USP53: variants seen among roughly 807,000 people sequenced by gnomAD.
USP53 encodes the protein ubiquitin specific peptidase 53.
USP53 carries 71 observed loss-of-function variants against 94.9 expected under a neutral mutation model. The ratio of observed to expected loss-of-function variants is 0.75; its 90% CI spans 0.62 to 0.91. USP53 has a LOEUF of 0.91. Ranked by LOEUF, USP53 falls within the 40% of genes least tolerant of loss-of-function variation. The pLI is 0.00. For missense variants in USP53, 1,173 were observed against 1,281.0 expected (o/e 0.92, Z 1.29); for synonymous variants, 375 against 422.7 (o/e 0.89, Z 1.39).
At chr4:119,290,715 T>C (rs967037498) in intron 17 of USP53, among the ~76,000 whole-genome samples, 1 of 152,174 alleles carries the variant, frequency 6.6e-6, no homozygotes, top group Admixed American at 6.5e-5. Flanking sequence ...ATTATCATTA[T>C]CCCATTATAT....
chr4:119,275,610 A>G (rs1752522534), intron 17 of USP53, among the ~76,000 whole-genome samples: 1 of 151,566 alleles, frequency 6.6e-6, no homozygotes, highest in Admixed American at 6.6e-5. Context: ...TGAACTTTCA[A>G]GTAGTTTTTT....
chr4:119,271,753 G>T lies in USP53; in HGVS notation c.1893G>T (p.Glu631Asp), dbSNP rs1751896067. Residue 631 changes from glutamate (E) to aspartate (D), a missense_variant, in exon 16 of 19, where the codon GAG (glutamate) becomes GAT (aspartate). Glu to Asp is a conservative substitution (Grantham distance 45, BLOSUM62 2). Coordinates refer to ENST00000692078, the MANE Select transcript of USP53 (RefSeq NM_001371395.1). The part of the protein sequence containing the change: ...KDPSFSNWPK[E>D]NPKQKGLMTI... The stretch of plus-strand genomic sequence containing the variant: ...CGAGTTTTAGTAATTGGCCAAAAGA[G>T]AATCCAAAGCAAAAAGGTTTAATGA... 2 of 1,613,776 alleles carry T rather than the reference G, an allele frequency of 1.2e-6. No individual in the cohort carries two copies. Among genetic ancestry groups the T allele is most frequent in the South Asian group, 2.2e-5 (2 of 90,956 alleles).
chr4:119,280,716 T>A (rs1366382285), intron 17 of USP53, among the ~76,000 whole-genome samples: 4 of 152,158 alleles, frequency 2.6e-5, no homozygotes, highest in Non-Finnish European at 5.9e-5. Flanking sequence ...AATCTCAAGG[T>A]GTTAACTCAA....
At position 119,268,144 on chromosome 4, in the gene USP53, G is replaced by C. The variant is rs374774104; in HGVS notation, c.1136-124G>C. 15 of 1,007,036 alleles carry C rather than the reference G, an allele frequency of 1.5e-5. No homozygotes were observed. In the South Asian group the frequency reaches 2.0e-4, roughly 14 times the overall value. The allele number at this position is 1,007,036 out of a possible 1,614,324, so 62.4% of individuals were successfully genotyped here. A position where few individuals can be genotyped will look rare whatever the true frequency, so the allele number is the denominator to read the frequency against. ...ATTGCGCCACTGCAGTCCGCAGTCC[G>C]GCCTGGGCGACAGAGCGAGACTCCG... On this transcript the variant is annotated intron_variant, in intron 13 of 18. Coordinates refer to ENST00000692078, the MANE Select transcript of USP53 (RefSeq NM_001371395.1).
intron 16 of USP53, chr4:119,272,627 C>T (rs1752014777): frequency 6.6e-6 from 1 of 152,424 alleles, no homozygotes. Context: ...CTCTTGAACT[C>T]CCAACCTCAG....
intron 14 of USP53, 85 bp from the exon 15 acceptor site, chr4:119,269,606 A>G (rs1342871818): frequency 9.5e-6 from 9 of 943,752 alleles, no homozygotes; most frequent in Non-Finnish European, 4.3e-6. Context: ...AATATATCTT[A>G]ACATTTTTAT....
intron 17 of USP53, among the ~76,000 whole-genome samples, chr4:119,278,022 AC>A (rs1367772878): frequency 4.8e-5 from 7 of 145,660 alleles, no homozygotes; most frequent in African/African-American, 1.8e-4. Context: ...TTTCCTGAAT[AC>A]AGCACACTGA....
At chr4:119,226,129 A>G (rs1011033995) in intron 3 of USP53, among the ~76,000 whole-genome samples, 1 of 152,236 alleles carries the variant, frequency 6.6e-6, no homozygotes, top group Admixed American at 6.5e-5. Context: ...CAACTGTTTA[A>G]TATAAAAGTT....
intron 9 of USP53, among the ~76,000 whole-genome samples, chr4:119,258,710 T>C (rs1750084848): frequency 6.6e-6 from 1 of 152,180 alleles, no homozygotes; most frequent in South Asian, 2.1e-4. Context: ...TTTATCCTTA[T>C]GAAACCATCA....
chr4:119,244,440 T>A (rs2149338315), intron 5 of USP53, among the ~76,000 whole-genome samples: 1 of 152,326 alleles, frequency 6.6e-6, no homozygotes, highest in African/African-American at 2.4e-5. Flanking sequence ...AGTTACGTTA[T>A]CTGAGGACAC....
At chr4:119,241,173 C>T (rs1197707553) in intron 5 of USP53, among the ~76,000 whole-genome samples, 2 of 152,146 alleles carry the variant, frequency 1.3e-5, no homozygotes, top group East Asian at 1.9e-4. Context: ...CATATTAGAA[C>T]GGGTGAAAAT....
intron 15 of USP53, chr4:119,271,080 G>A: frequency 2.5e-6 from 1 of 397,772 alleles, no homozygotes; most frequent in Non-Finnish European, 3.4e-6. Flanking sequence ...CTACCTTAGA[G>A]ATCATTTTTT....
At chr4:119,238,761 G>A (rs17049968) in intron 4 of USP53, among the ~76,000 whole-genome samples, 33,081 of 152,124 alleles carry the variant, frequency 0.22, 4,121 homozygotes, top group South Asian at 0.32. Context: ...AGGAGTGTGC[G>A]TTTGTTGATA....
chr4:119,243,464 C>T (rs984517265), intron 5 of USP53, among the ~76,000 whole-genome samples: 6 of 151,956 alleles, frequency 3.9e-5, no homozygotes, highest in African/African-American at 1.5e-4. Context: ...CACCATCACA[C>T]TCCAGCTTGG....
intron 5 of USP53, among the ~76,000 whole-genome samples, chr4:119,244,535 C>T (rs62328371): frequency 1.3e-5 from 2 of 151,960 alleles, no homozygotes; most frequent in Non-Finnish European, 2.9e-5. Context: ...CATTGCATGC[C>T]AGTTGAGTAC....
chr4:119,225,394 C>A (rs1745102221), intron 3 of USP53, among the ~76,000 whole-genome samples: 1 of 152,142 alleles, frequency 6.6e-6, no homozygotes, highest in Non-Finnish European at 1.5e-5. Flanking sequence ...TCTACATAAA[C>A]TCTTCCAGAA....
intron 18 of USP53, 39 bp downstream of exon 18, chr4:119,291,300 G>T (rs1452867146): frequency 1.5e-6 from 2 of 1,367,892 alleles, no homozygotes; most frequent in Non-Finnish European, 2.0e-6. Flanking sequence ...TGTATTATAG[G>T]CACGTTGTTT....
intron 3 of USP53, among the ~76,000 whole-genome samples, chr4:119,231,008 G>A (rs375470321): frequency 2.0e-5 from 3 of 152,152 alleles, no homozygotes; most frequent in African/African-American, 4.8e-5. Context: ...GAGTCAGTAG[G>A]TCAAGTCAAG....
rs116432213 is a variant in USP53 at position 119,231,527 on chromosome 4, C to T, written c.-664-3763C>T. Among the ~76,000 whole-genome samples the T allele has an allele frequency of 1.5e-3, 234 of 152,214 alleles. 1 individual carries two copies. The highest frequency in any genetic ancestry group is 5.6e-3 in the African/African-American group (231 of 41,530). On this transcript the variant is annotated intron_variant, in intron 3 of 18. Coordinates refer to ENST00000692078, the MANE Select transcript of USP53 (RefSeq NM_001371395.1). ...AATATTTTTGCCAGTCTGATAGAAA[C>T]GAAGCAGCTTTCAAGTACTGTACTA...
Sources: gnomAD v4.1 joint callset for allele counts (sites outside exome capture counted in the v4.1 genomes callset) on GRCh38, gnomAD v4.1.1 for gene constraint, MANE v1.5 for transcripts, NCBI Gene and HGNC (gene_info 2026-07-23, HGNC 2026-07-21) for gene names.